The following NPAS1 variants were observed in gnomAD, a reference collection of about 807,000 sequenced individuals.
NPAS1 encodes the protein neuronal PAS domain-containing protein 1.
Under a neutral mutation model 49.2 loss-of-function variants are expected in NPAS1, and 29 were observed. The observed-to-expected ratio is 0.59, with a 90% CI of 0.44 to 0.80. The LOEUF (loss-of-function observed/expected upper bound fraction) is 0.80. Ranked by LOEUF, NPAS1 falls within the 30% of genes least tolerant of loss-of-function variation. The pLI, the probability that NPAS1 is intolerant of heterozygous loss-of-function variation, is 0.00. For synonymous variants in NPAS1, 408 were observed against 380.4 expected, an observed-to-expected ratio of 1.07 and a Z score of -0.84; for missense variants, 825 against 835.5, an observed-to-expected ratio of 0.99 and a Z score of 0.15.
rs1280951745 is a variant in NPAS1, at chr19:47,042,007, AGG to A, written c.1218-802_1218-801del. On this transcript the variant is annotated intron_variant, in intron 10 of 11. Coordinates refer to ENST00000602212, the MANE Select transcript of NPAS1 (RefSeq NM_002517.4). Reference sequence around the variant, plus strand: ...AAAAAAAAAAAAAAAAAAAAAAAAAAGGAAAAAACACCCTTCTAGGCCAGGCA... The same window carrying A: ...AAAAAAAAAAAAAAAAAAAAAAAAAAAAAAAACACCCTTCTAGGCCAGGCA... 3.9e-3 allele frequency among the ~76,000 whole-genome samples: 399 copies of A among 102,520 alleles called. 30 individuals carry two copies. Among genetic ancestry groups the A allele is most frequent in the South Asian group, 0.026 (72 of 2,726 alleles). The allele number at this position is 102,520 out of a possible 152,430, so 67.3% of individuals were successfully genotyped here. A position where few individuals can be genotyped will look rare whatever the true frequency, so the allele number is the denominator to read the frequency against.
At chr19:47,032,503 G>A (rs941944159) in intron 4 of NPAS1, 140 bp from the exon 5 acceptor site, 41 of 1,090,084 alleles carry the variant, frequency 3.8e-5, no homozygotes, top group Non-Finnish European at 5.2e-5. Context: ...TGCCCCTTCC[G>A]AGGACCACTG....
intron 11 of NPAS1, among the ~76,000 whole-genome samples, chr19:47,044,012 G>A (rs559134531): frequency 4.6e-5 from 7 of 152,126 alleles, no homozygotes; most frequent in South Asian, 2.1e-4. Context: ...GCTGCAGTGC[G>A]CTGTGACAGC....
chr19:47,039,376 T>C (rs373342549), intron 7 of NPAS1, 31 bp from the exon 8 acceptor site: 34 of 1,610,182 alleles, frequency 2.1e-5, no homozygotes, highest in Non-Finnish European at 2.9e-5. Context: ...GCCCGCCTTG[T>C]CCCTCCTCCA....
At position 47,045,641 on chromosome 19, in the gene NPAS1, A is replaced by T; in HGVS notation, c.1763A>T (p.Lys588Met). ...PGPAGTRLPRKGD is the reference protein window; with the variant it reads ...PGPAGTRLPRMGD Reference sequence around the variant, plus strand: ...CCCGCGGGCACCAGGCTGCCGCGGAAGGGGGACTGAGGACTGGCAGAGCTG... The same window carrying T: ...CCCGCGGGCACCAGGCTGCCGCGGATGGGGGACTGAGGACTGGCAGAGCTG... The change falls in exon 12 of 12, where the codon AAG becomes ATG. Residue 588 changes from lysine (K) to methionine (M), a missense_variant. Transcript: ENST00000602212. 7.0e-7 allele frequency: 1 copy of T among 1,418,814 alleles called. No homozygotes were observed. Among genetic ancestry groups the T allele is most frequent in the Non-Finnish European group, 9.1e-7 (1 of 1,097,442 alleles). The allele number at this position is 1,418,814 out of a possible 1,614,324, so 87.9% of individuals were successfully genotyped here. A position where few individuals can be genotyped will look rare whatever the true frequency, so the allele number is the denominator to read the frequency against.
rs2056916086 is a variant in NPAS1 at position 47,032,696 on chromosome 19, C to T, written c.486C>T (p.Ile162=). 1 of 1,614,166 alleles carries T rather than the reference C, an allele frequency of 6.2e-7. No individual in the cohort carries two copies. The highest frequency in any genetic ancestry group is 8.5e-7 in the Non-Finnish European group (1 of 1,179,994). ...ACCAGGAAGGAAAATTCCTCTACAT[C>T]TCAGAGACAGTCTCCATCTATCTGG... ...ALNQEGKFLY[I]SETVSIYLGL... Residue 162 remains isoleucine, a synonymous_variant, in exon 5 of 12, where the codon ATC becomes ATT. Coordinates refer to ENST00000602212, the MANE Select transcript of NPAS1 (RefSeq NM_002517.4).
At chr19:47,037,224 G>A (rs1255665612) in intron 6 of NPAS1, among the ~76,000 whole-genome samples, 1 of 150,650 alleles carries the variant, frequency 6.6e-6, no homozygotes, top group Non-Finnish European at 1.5e-5. Context: ...TGGTGCAGGT[G>A]CCTGTGATCC....
At chr19:47,035,874 G>C (rs1467317603) in intron 5 of NPAS1, 90 bp from the exon 6 acceptor site, 10 of 1,344,464 alleles carry the variant, frequency 7.4e-6, no homozygotes, top group Non-Finnish European at 9.9e-6. Context: ...CCTGCGTGCA[G>C]GCAAATGAGG....
At chr19:47,040,627 T>C in intron 9 of NPAS1, 77 bp downstream of exon 9, 1 of 1,036,638 alleles carries the variant, frequency 9.6e-7, no homozygotes, top group Non-Finnish European at 1.5e-6. Context: ...TCCCTGGAAG[T>C]CCTTCTTCAG....
intron 10 of NPAS1, among the ~76,000 whole-genome samples, chr19:47,041,835 C>T (rs1306405325): frequency 4.6e-5 from 7 of 151,634 alleles, no homozygotes; most frequent in Non-Finnish European, 1.0e-4. Context: ...TTTTAATTGG[C>T]CCGTTACAGT....
Position 47,037,052 on chromosome 19 carries a change from GA to G in NPAS1, c.688+940del, listed in dbSNP as rs150861252. Reference sequence around the variant, plus strand: ...GCCCGGGTGACAGAGCCAGTGTCTGGAAAAAAAAAAAAAAAAAGGCTGGGTG... The same window carrying G: ...GCCCGGGTGACAGAGCCAGTGTCTGGAAAAAAAAAAAAAAAAGGCTGGGTG... On this transcript the variant is annotated intron_variant, in intron 6 of 11. Transcript: ENST00000602212. 5.0e-3 allele frequency among the ~76,000 whole-genome samples: 602 copies of G among 120,602 alleles called. 5 individuals carry two copies. Among genetic ancestry groups the G allele is most frequent in the African/African-American group, 0.014 (443 of 31,176 alleles). 79.1% of individuals were successfully genotyped at this position (120,602 alleles called of 152,430 possible).
chr19:47,034,902 C>A (rs1464422380), intron 5 of NPAS1, among the ~76,000 whole-genome samples: 2 of 148,586 alleles, frequency 1.3e-5, no homozygotes, highest in Non-Finnish European at 3.0e-5. Flanking sequence ...CAAAAAAAGT[C>A]CAGGCGCGGT....
chr19:47,041,245 C>A, intron 10 of NPAS1, 120 bp downstream of exon 10: 1 of 962,004 alleles, frequency 1.0e-6, no homozygotes, highest in Non-Finnish European at 1.4e-6. Flanking sequence ...GGTCTGCAGA[C>A]ACGAAGGGGA....
At chr19:47,040,631 T>C (rs2057008858) in intron 9 of NPAS1, 81 bp downstream of exon 9, 3 of 947,212 alleles carry the variant, frequency 3.2e-6, no homozygotes, top group African/African-American at 1.6e-5. Flanking sequence ...TGGAAGTCCT[T>C]CTTCAGGGCT....
rs991628788 is a variant in NPAS1 at position 47,021,987 on chromosome 19, G to A, written c.358+140G>A. 2.3e-5 allele frequency: 12 copies of A among 530,272 alleles called. No homozygotes were observed. In the African/African-American group the frequency reaches 2.4e-4, roughly 11 times the overall value. 32.8% of individuals were successfully genotyped at this position (530,272 alleles called of 1,614,324 possible). Reference sequence around the variant, plus strand: ...GGACCTTTGCGTGTCCCTATCAGGTGGCTTCTGCTCTCCAAGCCTCAGTTT... The same window carrying A: ...GGACCTTTGCGTGTCCCTATCAGGTAGCTTCTGCTCTCCAAGCCTCAGTTT... On this transcript the variant is annotated intron_variant, in intron 3 of 11. Transcript: ENST00000602212. The surrounding 1 kb of genome is among the most constrained non-coding windows in gnomAD (Gnocchi z 5.7).
rs150861252 is a variant in NPAS1 at position 47,037,052 on chromosome 19, GAAAAA to G, written c.688+936_688+940del. 2.0e-4 allele frequency among the ~76,000 whole-genome samples: 24 copies of G among 120,626 alleles called. 1 individual carries two copies. The South Asian group carries it at 6.2e-3, about 31-fold the overall frequency. The allele number at this position is 120,626 out of a possible 152,430, so 79.1% of individuals were successfully genotyped here. A position where few individuals can be genotyped will look rare whatever the true frequency, so the allele number is the denominator to read the frequency against. On this transcript the variant is annotated intron_variant, in intron 6 of 11. Transcript: ENST00000602212. ...GCCCGGGTGACAGAGCCAGTGTCTG[GAAAAA>G]AAAAAAAAAAAAGGCTGGGTGCGGT...
intron 11 of NPAS1, among the ~76,000 whole-genome samples, chr19:47,043,328 G>T (rs1812022348): frequency 6.8e-6 from 1 of 147,814 alleles, no homozygotes; most frequent in Non-Finnish European, 1.5e-5. Context: ...GGTGACTCAA[G>T]CCTGTAATCC....
At chr19:47,032,842 T>C (rs1037477168) in intron 5 of NPAS1, 110 bp downstream of exon 5, 25 of 751,742 alleles carry the variant, frequency 3.3e-5, no homozygotes, top group Non-Finnish European at 4.6e-5. Flanking sequence ...AAAAATGGAC[T>C]GGATCTCTGT....
chr19:47,038,819 C>G (rs1255777360), intron 6 of NPAS1, among the ~76,000 whole-genome samples: 1 of 151,556 alleles, frequency 6.6e-6, no homozygotes, highest in Non-Finnish European at 1.5e-5. Context: ...GAGTGATATT[C>G]AGTCTCAAAA....
Position 47,029,653 on chromosome 19 carries a change from C to T in NPAS1, c.359-2625C>T, listed in dbSNP as rs144233052. On this transcript the variant is annotated intron_variant, in intron 3 of 11. Transcript: ENST00000602212. ...TGGCCTCAGGTGATCCACCCACCTC[C>T]GCCTCCCAAAGCACTGAGATTACAG... 7.7e-3 allele frequency among the ~76,000 whole-genome samples: 1,164 copies of T among 152,156 alleles called. 16 individuals are homozygous for T. The highest frequency in any genetic ancestry group is 0.026 in the African/African-American group (1,095 of 41,496).
Sources: allele counts gnomAD v4.1 joint callset (sites outside exome capture counted in the v4.1 genomes callset), GRCh38; gene constraint gnomAD v4.1.1; non-coding constraint Gnocchi (gnomAD v3.1); transcripts MANE v1.5; gene names NCBI Gene and HGNC (gene_info 2026-07-23, HGNC 2026-07-21).